KCNQ5: variants seen among roughly 807,000 people sequenced by gnomAD.
KCNQ5 encodes the protein potassium voltage-gated channel subfamily Q member 5.
A neutral mutation model predicts 98.2 loss-of-function variants in KCNQ5; 30 were observed. That is an observed-to-expected ratio of 0.31 (90% confidence interval 0.23 to 0.41). KCNQ5 has a LOEUF of 0.41. Among genes scored for constraint, KCNQ5 ranks in the 10% least tolerant of loss-of-function variants. The pLI is 1.00. For missense variants in KCNQ5, 835 were observed against 1,182.5 expected (o/e 0.71, Z 4.31); for synonymous variants, 458 against 449.4 (o/e 1.02, Z -0.24).
At chr6:72,655,035 T>TCC (rs1766091135) in intron 1 of KCNQ5, among the ~76,000 whole-genome samples, 4 of 95,828 alleles carry the variant, frequency 4.2e-5, no homozygotes, top group Non-Finnish European at 4.4e-5. Context: ...TGTCTTTCTT[T>TCC]CTTTCTTTCT....
intron 1 of KCNQ5, among the ~76,000 whole-genome samples, chr6:72,650,190 A>G (rs549821478): frequency 6.6e-6 from 1 of 152,258 alleles, no homozygotes; most frequent in African/African-American, 2.4e-5. Context: ...TCATTCAACT[A>G]GTAATTGTTA....
At chr6:72,732,904 G>A (rs1770630201) in intron 1 of KCNQ5, among the ~76,000 whole-genome samples, 1 of 152,168 alleles carries the variant, frequency 6.6e-6, no homozygotes, top group Admixed American at 6.6e-5. Context: ...CAGGAAGTGG[G>A]GAAAATGGGG....
At chr6:72,996,552 G>A (rs1769308529) in intron 1 of KCNQ5, among the ~76,000 whole-genome samples, 1 of 152,142 alleles carries the variant, frequency 6.6e-6, no homozygotes, top group Non-Finnish European at 1.5e-5. Context: ...GATTGCCAGT[G>A]GTCAGCTTTG....
chr6:72,658,411 G>T (rs1296599911), intron 1 of KCNQ5, among the ~76,000 whole-genome samples: 2 of 150,330 alleles, frequency 1.3e-5, no homozygotes, highest in Non-Finnish European at 1.5e-5. Context: ...CTCCCAAGTA[G>T]CTGGGATTAC....
intron 1 of KCNQ5, among the ~76,000 whole-genome samples, chr6:73,000,010 G>T (rs1300965387): frequency 6.6e-6 from 1 of 151,816 alleles, no homozygotes; most frequent in Non-Finnish European, 1.5e-5. Context: ...TTTACACACA[G>T]ATCCCCTGGA....
At chr6:72,852,000 A>G (rs554324850) in intron 1 of KCNQ5, among the ~76,000 whole-genome samples, 24 of 152,276 alleles carry the variant, frequency 1.6e-4, no homozygotes, top group Non-Finnish European at 3.4e-4. Context: ...AACTACACAT[A>G]CACATACTAT....
intron 3 of KCNQ5, among the ~76,000 whole-genome samples, chr6:73,072,733 T>C (rs752161646): frequency 3.9e-4 from 60 of 152,204 alleles, no homozygotes; most frequent in Non-Finnish European, 1.2e-4. Flanking sequence ...TCATTCTAAG[T>C]GATGCAGTAA....
At chr6:72,677,769 G>A (rs1767485097) in intron 1 of KCNQ5, among the ~76,000 whole-genome samples, 1 of 152,172 alleles carries the variant, frequency 6.6e-6, no homozygotes. Context: ...ATTACTTATA[G>A]AATAGATGTA....
chr6:72,988,238 T>C (rs1427418370), intron 1 of KCNQ5, among the ~76,000 whole-genome samples: 1 of 152,202 alleles, frequency 6.6e-6, no homozygotes, highest in African/African-American at 2.4e-5. Context: ...GGTGCTATTA[T>C]TATCCGCATC....
chr6:73,083,281 G>A (rs1773853466), intron 5 of KCNQ5, among the ~76,000 whole-genome samples: 1 of 152,094 alleles, frequency 6.6e-6, no homozygotes, highest in African/African-American at 2.4e-5. Context: ...ATGACATATG[G>A]TACAGAAAGA....
In KCNQ5 at chr6:72,622,446, G is replaced by A. The variant is rs1168885397; in HGVS notation, c.257G>A (p.Arg86Gln). The A allele has an allele frequency of 1.3e-6, 2 of 1,576,856 alleles. No individual in the cohort carries two copies. The highest frequency in any genetic ancestry group is 1.7e-6 in the Non-Finnish European group (2 of 1,162,274). The change falls in exon 1 of 14, where the codon CGG becomes CAG. Residue 86 changes from arginine (R) to glutamine (Q), a missense_variant. Coordinates refer to ENST00000370398, the MANE Select transcript of KCNQ5 (RefSeq NM_019842.4). This position sits in a 1 kb window ranked among gnomAD's most constrained non-coding sequence, Gnocchi z 6.0. ...RESRRGKQGA[R>Q]MSLLGKPLSY... ...AGCCGCCGGGGCAAGCAGGGGGCCC[G>A]GATGAGCCTGCTGGGGAAGCCGCTC...
At chr6:72,980,807 G>A (rs911614909) in intron 1 of KCNQ5, among the ~76,000 whole-genome samples, 17 of 152,088 alleles carry the variant, frequency 1.1e-4, no homozygotes, top group African/African-American at 3.9e-4. Context: ...ATTGGTTGTG[G>A]GTTTGTCATA....
chr6:73,105,459 T>C, intron 6 of KCNQ5, 92 bp downstream of exon 6: 1 of 601,448 alleles, frequency 1.7e-6, no homozygotes, highest in Non-Finnish European at 2.8e-6. Flanking sequence ...TGGGAACATA[T>C]CTATATCATT....
At chr6:72,771,652 C>CTG (rs150518788) in intron 1 of KCNQ5, among the ~76,000 whole-genome samples, 10,083 of 147,784 alleles carry the variant, frequency 0.068, 439 homozygotes, top group African/African-American at 0.13. Context: ...AACCATTTCA[C>CTG]TGTGTGTGTG....
At position 73,074,623 on chromosome 6, in the gene KCNQ5, C is replaced by T. The variant is rs138778415; in HGVS notation, c.617-2699C>T. ...CTTTTTGTGCTGTAGTCTAACAAACCGATAGCTGAGTTTTTTTAAAAATGA... is the reference window on the plus strand; with the variant it reads ...CTTTTTGTGCTGTAGTCTAACAAACTGATAGCTGAGTTTTTTTAAAAATGA... On this transcript the variant is annotated intron_variant, in intron 3 of 13. Transcript: ENST00000370398. Among the ~76,000 whole-genome samples, 304 of 151,966 alleles carry T rather than the reference C, an allele frequency of 2.0e-3. 1 individual carries two copies. The highest frequency in any genetic ancestry group is 6.9e-3 in the African/African-American group (287 of 41,438).
chr6:72,696,658 T>C (rs1001826044), intron 1 of KCNQ5, among the ~76,000 whole-genome samples: 1 of 152,196 alleles, frequency 6.6e-6, no homozygotes, highest in Admixed American at 6.5e-5. Context: ...TTATCTGCTT[T>C]AAGAAAATCT....
At chr6:72,981,908 A>G (rs1768478507) in intron 1 of KCNQ5, among the ~76,000 whole-genome samples, 1 of 152,042 alleles carries the variant, frequency 6.6e-6, no homozygotes, top group Non-Finnish European at 1.5e-5. Flanking sequence ...TCATTTCGTT[A>G]TTTACCCAGT....
At chr6:72,713,014 T>G (rs1351578596) in intron 1 of KCNQ5, among the ~76,000 whole-genome samples, 1 of 152,152 alleles carries the variant, frequency 6.6e-6, no homozygotes, top group Non-Finnish European at 1.5e-5. Context: ...CTGTGCCTGA[T>G]GTATTTTAGG....
chr6:73,152,081 T>C (rs1049318309), intron 10 of KCNQ5, among the ~76,000 whole-genome samples: 2 of 152,182 alleles, frequency 1.3e-5, no homozygotes, highest in Non-Finnish European at 2.9e-5. Flanking sequence ...CTCTCTTCGT[T>C]TACTTTGCCA....
Sources: gnomAD v4.1 joint callset for allele counts (sites outside exome capture counted in the v4.1 genomes callset) on GRCh38, gnomAD v4.1.1 for gene constraint, Gnocchi (gnomAD v3.1) non-coding constraint, MANE v1.5 for transcripts, NCBI Gene and HGNC (gene_info 2026-07-23, HGNC 2026-07-21) for gene names.